The following SLC4A10 variants were observed in gnomAD, a reference collection of about 807,000 sequenced individuals.
The protein encoded by SLC4A10 is sodium-driven chloride bicarbonate exchanger.
SLC4A10 carries 42 observed loss-of-function variants against 137.7 expected under a neutral mutation model. The ratio of observed to expected loss-of-function variants is 0.30; its 90% CI spans 0.24 to 0.39. The LOEUF (loss-of-function observed/expected upper bound fraction) is 0.39. Among genes scored for constraint, SLC4A10 ranks in the 10% least tolerant of loss-of-function variants. The pLI is 1.00. For synonymous variants in SLC4A10, 474 were observed against 464.1 expected, an observed-to-expected ratio of 1.02 and a Z score of -0.27; for missense variants, 925 against 1,355.0, an observed-to-expected ratio of 0.68 and a Z score of 4.98.
At chr2:161,822,983 A>T (rs904209385) in intron 3 of SLC4A10, among the ~76,000 whole-genome samples, 4 of 152,086 alleles carry the variant, frequency 2.6e-5, no homozygotes, top group Non-Finnish European at 5.9e-5. Flanking sequence ...AAAAAAAATT[A>T]TGTGTATATA....
intron 23 of SLC4A10, among the ~76,000 whole-genome samples, chr2:161,969,280 G>A (rs886558040): frequency 6.6e-6 from 1 of 152,084 alleles, no homozygotes; most frequent in Non-Finnish European, 1.5e-5. Context: ...AGCTACACAG[G>A]CCAGTCCAAG....
intron 20 of SLC4A10, among the ~76,000 whole-genome samples, chr2:161,957,806 A>C (rs186112369): frequency 1.3e-5 from 2 of 152,164 alleles, no homozygotes; most frequent in Non-Finnish European, 2.9e-5. Flanking sequence ...TTATTTTGTC[A>C]TGTAATTTTG....
intron 3 of SLC4A10, among the ~76,000 whole-genome samples, chr2:161,836,580 GAAAGAAAGAAAGAAAGAAAGGA>G (rs1559359525): frequency 9.6e-6 from 1 of 104,108 alleles, no homozygotes; most frequent in African/African-American, 3.9e-5. Flanking sequence ...AAGAAAGAAA[GAAAGAAAGAAAGAAAGAAAGGA>G]AGGAAGGAAA....
At chr2:161,813,547 A>G (rs1263146284) in intron 3 of SLC4A10, among the ~76,000 whole-genome samples, 1 of 152,132 alleles carries the variant, frequency 6.6e-6, no homozygotes, top group Non-Finnish European at 1.5e-5. Context: ...GGAACGTCTT[A>G]GAGTGTAAAA....
At chr2:161,930,080 C>A (rs989337048) in intron 15 of SLC4A10, among the ~76,000 whole-genome samples, 24 of 152,194 alleles carry the variant, frequency 1.6e-4, no homozygotes, top group Middle Eastern at 3.4e-3. Context: ...CTTTTAGGAC[C>A]AAGATCTATA....
chr2:161,717,610 G>A (rs761289705), intron 1 of SLC4A10, among the ~76,000 whole-genome samples: 4 of 152,068 alleles, frequency 2.6e-5, no homozygotes, highest in African/African-American at 4.8e-5. Context: ...ATTTGCATAC[G>A]CTGAACCACC....
chr2:161,821,077 T>G (rs1318388502), intron 3 of SLC4A10, among the ~76,000 whole-genome samples: 1 of 152,224 alleles, frequency 6.6e-6, no homozygotes, highest in Non-Finnish European at 1.5e-5. Flanking sequence ...CATTTGGATA[T>G]TCTCTTCTAG....
chr2:161,941,329 G>A (rs1692647741), intron 15 of SLC4A10, among the ~76,000 whole-genome samples: 1 of 152,102 alleles, frequency 6.6e-6, no homozygotes, highest in Non-Finnish European at 1.5e-5. Flanking sequence ...GGAGCCTCTG[G>A]TTAAAACTGA....
At chr2:161,627,834 C>T (rs574570771) in intron 1 of SLC4A10, among the ~76,000 whole-genome samples, 2 of 152,170 alleles carry the variant, frequency 1.3e-5, no homozygotes, top group South Asian at 2.1e-4. Context: ...CTCTTAAGTG[C>T]CTACTGTTGG....
At chr2:161,637,995 A>G (rs767484445) in intron 1 of SLC4A10, among the ~76,000 whole-genome samples, 2 of 152,078 alleles carry the variant, frequency 1.3e-5, no homozygotes, top group Non-Finnish European at 2.9e-5. Context: ...ATTTTTTGCT[A>G]TTTAATTGTT....
chr2:161,710,706 A>G (rs930518643), intron 1 of SLC4A10: 1 of 455,672 alleles, frequency 2.2e-6, no homozygotes, highest in African/African-American at 2.0e-5. Context: ...GCCTTCGTTT[A>G]TACTATTTTA....
At chr2:161,983,041 G>C in intron 26 of SLC4A10, 138 bp from the exon 27 acceptor site, 1 of 667,560 alleles carries the variant, frequency 1.5e-6, no homozygotes, top group South Asian at 2.0e-5. Context: ...GTCTATCTGT[G>C]CTTCGCAGCA....
chr2:161,910,242 T>C (rs1454592264), intron 15 of SLC4A10, among the ~76,000 whole-genome samples: 1 of 152,110 alleles, frequency 6.6e-6, no homozygotes, highest in East Asian at 1.9e-4. Flanking sequence ...TATATCTAGC[T>C]ACTCTGTCAT....
chr2:161,663,147 T>C (rs1378059376), intron 1 of SLC4A10, among the ~76,000 whole-genome samples: 1 of 152,176 alleles, frequency 6.6e-6, no homozygotes, highest in Non-Finnish European at 1.5e-5. Flanking sequence ...CTAAGAAATC[T>C]TTTTTATAAC....
At chr2:161,803,142 G>C (rs1375794425) in intron 2 of SLC4A10, among the ~76,000 whole-genome samples, 1 of 151,922 alleles carries the variant, frequency 6.6e-6, no homozygotes, top group East Asian at 1.9e-4. Flanking sequence ...CCCTTTGTTT[G>C]CTTGTACTTT....
intron 10 of SLC4A10, among the ~76,000 whole-genome samples, chr2:161,891,440 C>T (rs58743029): frequency 0.068 from 10,405 of 152,092 alleles, 457 homozygotes; most frequent in East Asian, 0.13. Context: ...ACCAATCAAA[C>T]GTAGGTTTGG....
intron 3 of SLC4A10, among the ~76,000 whole-genome samples, chr2:161,830,746 A>G (rs990231449): frequency 8.5e-5 from 13 of 152,170 alleles, no homozygotes; most frequent in African/African-American, 3.1e-4. Context: ...TTTACTGAGG[A>G]TATAGCAGTG....
intron 2 of SLC4A10, among the ~76,000 whole-genome samples, chr2:161,797,703 T>C (rs1314130676): frequency 6.6e-6 from 1 of 152,094 alleles, no homozygotes; most frequent in Non-Finnish European, 1.5e-5. Context: ...TAAATGCTTA[T>C]TATGTTTCAA....
At chr2:161,898,413 A>C (rs2063739573) in intron 11 of SLC4A10, among the ~76,000 whole-genome samples, 1 of 152,176 alleles carries the variant, frequency 6.6e-6, no homozygotes, top group Non-Finnish European at 1.5e-5. Context: ...TGTTTTAAAA[A>C]TATATGTTGT....
Sources: allele counts gnomAD v4.1 joint callset (sites outside exome capture counted in the v4.1 genomes callset), GRCh38; gene constraint gnomAD v4.1.1; transcripts MANE v1.5; gene names NCBI Gene and HGNC (gene_info 2026-07-23, HGNC 2026-07-21).